Variants in CADM2 observed in about 807,000 individuals in gnomAD.
CADM2 encodes immunoglobulin superfamily member 4D.
CADM2 carries 12 observed loss-of-function variants against 49.8 expected under a neutral mutation model. The observed-to-expected ratio is 0.24, with a 90% CI of 0.15 to 0.39. The LOEUF (loss-of-function observed/expected upper bound fraction) is 0.39, where lower values mean the gene tolerates loss of function less well. CADM2 is among the 10% of genes least tolerant of loss of function. The pLI is 1.00. For missense variants in CADM2, 378 were observed against 492.3 expected (o/e 0.77, Z 2.20); for synonymous variants, 214 against 175.4 (o/e 1.22, Z -1.74).
intron 1 of CADM2, among the ~76,000 whole-genome samples, chr3:85,582,958 T>C (rs1186809899): frequency 6.6e-6 from 1 of 152,040 alleles, no homozygotes; most frequent in Non-Finnish European, 1.5e-5. Context: ...GTGGTAATAA[T>C]ACCTACCCCA....
intron 1 of CADM2, among the ~76,000 whole-genome samples, chr3:85,203,178 G>C (rs2041551693): frequency 1.3e-5 from 2 of 152,130 alleles, no homozygotes; most frequent in African/African-American, 4.8e-5. Flanking sequence ...CTCAACTTCA[G>C]TAACTGGTGC....
At chr3:84,981,408 AG>A (rs916416074) in intron 1 of CADM2, among the ~76,000 whole-genome samples, 4 of 152,132 alleles carry the variant, frequency 2.6e-5, no homozygotes, top group Non-Finnish European at 4.4e-5. Flanking sequence ...GGGGCACAGA[AG>A]ACAGAAAAGG....
At chr3:85,195,022 G>A (rs1576089815) in intron 1 of CADM2, among the ~76,000 whole-genome samples, 1 of 151,826 alleles carries the variant, frequency 6.6e-6, no homozygotes, top group Non-Finnish European at 1.5e-5. Context: ...ATTTTTAACC[G>A]GTCCAATTAG....
intron 2 of CADM2, among the ~76,000 whole-genome samples, chr3:85,771,050 T>G (rs2070057302): frequency 6.6e-6 from 1 of 152,170 alleles, no homozygotes; most frequent in Admixed American, 6.5e-5. Context: ...GGCAACTCCT[T>G]TCTCATATGG....
chr3:85,577,352 A>T (rs553469704), intron 1 of CADM2, among the ~76,000 whole-genome samples: 6 of 152,166 alleles, frequency 3.9e-5, no homozygotes, highest in Non-Finnish European at 7.4e-5. Context: ...GAATGCTGTT[A>T]TCATGAGAGT....
intron 3 of CADM2, among the ~76,000 whole-genome samples, chr3:85,831,711 C>G (rs1228853849): frequency 6.7e-6 from 1 of 149,410 alleles, no homozygotes; most frequent in Non-Finnish European, 1.5e-5. Context: ...CGTTTAAGTT[C>G]CTTATAGATT....
chr3:85,211,584 T>C (rs2041781571), intron 1 of CADM2, among the ~76,000 whole-genome samples: 1 of 152,176 alleles, frequency 6.6e-6, no homozygotes, highest in Non-Finnish European at 1.5e-5. Context: ...TATGTATGTA[T>C]AGTTTCCAAA....
chr3:84,978,887 A>T (rs979728555), intron 1 of CADM2, among the ~76,000 whole-genome samples: 1 of 152,158 alleles, frequency 6.6e-6, no homozygotes, highest in Admixed American at 6.6e-5. Context: ...TTTAAACATG[A>T]TCTCATTTCA....
intron 1 of CADM2, among the ~76,000 whole-genome samples, chr3:85,449,783 A>T (rs1451811629): frequency 2.6e-5 from 4 of 152,196 alleles, no homozygotes; most frequent in African/African-American, 9.6e-5. Flanking sequence ...TAGATTTCTT[A>T]TTCCACAGAT....
intron 1 of CADM2, among the ~76,000 whole-genome samples, chr3:85,445,722 T>A (rs1451248291): frequency 2.0e-5 from 3 of 152,068 alleles, no homozygotes; most frequent in Non-Finnish European, 2.9e-5. Flanking sequence ...AAAGAGATGA[T>A]TACTCTGCAA....
intron 1 of CADM2, among the ~76,000 whole-genome samples, chr3:85,671,342 A>G (rs138680434): frequency 1.3e-5 from 2 of 152,282 alleles, no homozygotes; most frequent in Admixed American, 1.3e-4. Context: ...AGGCTGTATG[A>G]TATTTCTTTC....
intron 1 of CADM2, among the ~76,000 whole-genome samples, chr3:85,698,838 A>C (rs1327029815): frequency 3.3e-5 from 5 of 152,146 alleles, no homozygotes; most frequent in African/African-American, 1.2e-4. Context: ...CATACTGGAA[A>C]GTACAACCAT....
chr3:85,257,024 C>T (rs553209681), intron 1 of CADM2, among the ~76,000 whole-genome samples: 1 of 152,132 alleles, frequency 6.6e-6, no homozygotes, highest in Admixed American at 6.6e-5. Flanking sequence ...CTGGATTTTC[C>T]TAACATCTCT....
chr3:85,185,324 A>G (rs1024499263), intron 1 of CADM2, among the ~76,000 whole-genome samples: 3 of 138,494 alleles, frequency 2.2e-5, no homozygotes, highest in Non-Finnish European at 4.4e-5. Context: ...TTGGGAAACA[A>G]AAAATGAAAA....
At chr3:85,387,111 G>C (rs778388499) in intron 1 of CADM2, among the ~76,000 whole-genome samples, 6 of 152,076 alleles carry the variant, frequency 3.9e-5, no homozygotes, top group Admixed American at 1.3e-4. Flanking sequence ...TGGGGGAAAA[G>C]GTACACAAAT....
intron 1 of CADM2, among the ~76,000 whole-genome samples, chr3:85,006,508 A>G (rs899907986): frequency 2.0e-5 from 3 of 152,308 alleles, no homozygotes; most frequent in Non-Finnish European, 4.4e-5. Context: ...AAACATTGAA[A>G]TTACTTGGAA....
intron 1 of CADM2, among the ~76,000 whole-genome samples, chr3:85,496,542 C>T (rs533483001): frequency 7.2e-5 from 11 of 152,132 alleles, no homozygotes; most frequent in African/African-American, 2.2e-4. Context: ...ATCTATTTTC[C>T]TAGGCATATG....
intron 1 of CADM2, among the ~76,000 whole-genome samples, chr3:85,721,058 C>A (rs1401964525): frequency 6.6e-6 from 1 of 152,146 alleles, no homozygotes; most frequent in Non-Finnish European, 1.5e-5. Context: ...TGTAAATTCA[C>A]CACTGAAGTG....
At chr3:85,055,439 T>C (rs1398553407) in intron 1 of CADM2, among the ~76,000 whole-genome samples, 1 of 152,030 alleles carries the variant, frequency 6.6e-6, no homozygotes, top group African/African-American at 2.4e-5. Flanking sequence ...CCCTCCATCA[T>C]CATCCACATT....
Sources: gnomAD v4.1 joint callset for allele counts (sites outside exome capture counted in the v4.1 genomes callset) on GRCh38, gnomAD v4.1.1 for gene constraint, MANE v1.5 for transcripts, NCBI Gene and HGNC (gene_info 2026-07-23, HGNC 2026-07-21) for gene names.